CDH18: variants seen among roughly 807,000 people sequenced by gnomAD.
The protein encoded by CDH18 is cadherin-18.
Under a neutral mutation model 67.9 loss-of-function variants are expected in CDH18, and 31 were observed. That is an observed-to-expected ratio of 0.46 (90% CI 0.34 to 0.62). CDH18 has a LOEUF of 0.62. Among genes scored for constraint, CDH18 ranks in the 20% least tolerant of loss-of-function variants. The pLI, the probability that CDH18 is intolerant of heterozygous loss-of-function variation, is 0.01. For missense variants in CDH18, 890 were observed against 975.5 expected (o/e 0.91, Z 1.17); for synonymous variants, 362 against 347.2 (o/e 1.04, Z -0.48).
chr5:20,147,848 G>A (rs971163022), intron 2 of CDH18, among the ~76,000 whole-genome samples: 10 of 152,068 alleles, frequency 6.6e-5, no homozygotes, highest in African/African-American at 2.4e-4. Context: ...AGGAGGAAAA[G>A]GTTCTACTTA....
At chr5:19,870,178 T>C (rs1020491306) in intron 2 of CDH18, among the ~76,000 whole-genome samples, 2 of 152,124 alleles carry the variant, frequency 1.3e-5, no homozygotes, top group Non-Finnish European at 2.9e-5. Context: ...ATATATTCCA[T>C]GTCCTTACTT....
At chr5:19,833,533 C>T (rs746031456) in intron 3 of CDH18, among the ~76,000 whole-genome samples, 1 of 152,014 alleles carries the variant, frequency 6.6e-6, no homozygotes, top group Non-Finnish European at 1.5e-5. Flanking sequence ...GCCTGATTGC[C>T]CTGGCCAGAA....
chr5:20,395,436 T>A (rs1745207675), intron 1 of CDH18, among the ~76,000 whole-genome samples: 1 of 151,976 alleles, frequency 6.6e-6, no homozygotes, highest in African/African-American at 2.4e-5. Context: ...CACTGGAGAC[T>A]CAGAAATAGA....
At chr5:19,634,802 T>A (rs1276304305) in intron 5 of CDH18, among the ~76,000 whole-genome samples, 1 of 151,854 alleles carries the variant, frequency 6.6e-6, no homozygotes, top group Non-Finnish European at 1.5e-5. Flanking sequence ...CCTGGCGTGG[T>A]GGCACATGCC....
intron 2 of CDH18, among the ~76,000 whole-genome samples, chr5:20,202,406 T>C (rs894743542): frequency 7.9e-5 from 12 of 152,162 alleles, no homozygotes; most frequent in African/African-American, 2.9e-4. Flanking sequence ...AATGAAAATT[T>C]TTCCCCTCAA....
At chr5:20,338,777 C>A (rs965310038) in intron 1 of CDH18, among the ~76,000 whole-genome samples, 1 of 152,170 alleles carries the variant, frequency 6.6e-6, no homozygotes, top group Non-Finnish European at 1.5e-5. Flanking sequence ...TGGCCTAGAG[C>A]ACCCCTTCCA....
chr5:20,515,438 T>C (rs1408568224), intron 1 of CDH18, among the ~76,000 whole-genome samples: 1 of 152,060 alleles, frequency 6.6e-6, no homozygotes, highest in Non-Finnish European at 1.5e-5. Flanking sequence ...TTCTTGGTCA[T>C]CTGTCTCCTA....
intron 1 of CDH18, among the ~76,000 whole-genome samples, chr5:20,283,270 T>TA (rs1271444657): frequency 3.9e-5 from 6 of 152,098 alleles, no homozygotes; most frequent in Non-Finnish European, 7.4e-5. Flanking sequence ...CACATCAAGT[T>TA]AAAAAGTTTA....
intron 8 of CDH18, among the ~76,000 whole-genome samples, chr5:19,570,792 T>C (rs1561371072): frequency 1.3e-5 from 2 of 152,186 alleles, no homozygotes; most frequent in Non-Finnish European, 2.9e-5. Flanking sequence ...AATACAAGTA[T>C]TATTTAGCGA....
intron 1 of CDH18, among the ~76,000 whole-genome samples, chr5:20,373,470 T>G (rs10071262): frequency 1.2e-4 from 18 of 151,900 alleles, no homozygotes; most frequent in Non-Finnish European, 2.2e-4. Context: ...TATTCTTATC[T>G]TCTCATATTA....
At chr5:20,497,929 G>A (rs1441303355) in intron 1 of CDH18, among the ~76,000 whole-genome samples, 1 of 152,058 alleles carries the variant, frequency 6.6e-6, no homozygotes, top group Non-Finnish European at 1.5e-5. Context: ...GAGTCCCCAT[G>A]AATGAGATTA....
chr5:19,719,136 A>T (rs1031796213), intron 5 of CDH18, among the ~76,000 whole-genome samples: 9 of 152,076 alleles, frequency 5.9e-5, no homozygotes, highest in African/African-American at 2.2e-4. Context: ...GATGTTTGTT[A>T]ACCAATTGTA....
chr5:20,509,407 CTTT>C (rs565488310), intron 1 of CDH18, among the ~76,000 whole-genome samples: 1 of 139,316 alleles, frequency 7.2e-6, no homozygotes. Context: ...CAGGATTTCC[CTTT>C]TTTTTTTTTT....
chr5:20,477,658 G>A (rs1331864509), intron 1 of CDH18, among the ~76,000 whole-genome samples: 1 of 152,156 alleles, frequency 6.6e-6, no homozygotes, highest in East Asian at 1.9e-4. Flanking sequence ...CCAACGCCAT[G>A]GGCTAAAGCG....
chr5:19,854,929 C>A (rs1221316426), intron 2 of CDH18, among the ~76,000 whole-genome samples: 3 of 150,294 alleles, frequency 2.0e-5, no homozygotes, highest in Non-Finnish European at 3.0e-5. Context: ...TCCCTATCTC[C>A]ATGAGTTCAG....
chr5:19,585,817 C>G (rs1744051268), intron 7 of CDH18, among the ~76,000 whole-genome samples: 1 of 152,090 alleles, frequency 6.6e-6, no homozygotes, highest in Admixed American at 6.6e-5. Flanking sequence ...TTTTTGCTTC[C>G]CATTCTCTCT....
intron 1 of CDH18, among the ~76,000 whole-genome samples, chr5:20,338,583 C>T (rs1013055988): frequency 2.0e-5 from 3 of 152,180 alleles, no homozygotes; most frequent in Admixed American, 6.5e-5. Context: ...TCTATGCTGT[C>T]TCTGCAGAAG....
chr5:20,004,951 A>T (rs1736770167), intron 2 of CDH18, among the ~76,000 whole-genome samples: 1 of 152,182 alleles, frequency 6.6e-6, no homozygotes, highest in Non-Finnish European at 1.5e-5. Flanking sequence ...ATCTATCTAC[A>T]AGGAGTTCCA....
intron 5 of CDH18, among the ~76,000 whole-genome samples, chr5:19,645,373 G>A (rs1200897607): frequency 6.6e-6 from 1 of 152,186 alleles, no homozygotes; most frequent in Non-Finnish European, 1.5e-5. Flanking sequence ...GAGGGAACTA[G>A]TGGAGTCCAA....
Sources: allele counts gnomAD v4.1 joint callset (sites outside exome capture counted in the v4.1 genomes callset), GRCh38; gene constraint gnomAD v4.1.1; transcripts MANE v1.5; gene names NCBI Gene and HGNC (gene_info 2026-07-23, HGNC 2026-07-21).